Variants in FER observed in about 807,000 individuals in gnomAD.
The protein encoded by FER is FER tyrosine kinase.
A neutral mutation model predicts 111.0 loss-of-function variants in FER; 63 were observed. The observed-to-expected ratio is 0.57, with a 90% CI of 0.46 to 0.70. The LOEUF is 0.70. FER is among the 30% of genes least tolerant of loss of function. FER has a pLI of 0.00. For missense variants in FER, 914 were observed against 954.0 expected (o/e 0.96, Z 0.55); for synonymous variants, 327 against 313.9 (o/e 1.04, Z -0.44).
chr5:108,927,450 CG>C (rs1362617829), intron 10 of FER, among the ~76,000 whole-genome samples: 1 of 151,590 alleles, frequency 6.6e-6, no homozygotes, highest in Non-Finnish European at 1.5e-5. Flanking sequence ...TTAGTAGAGA[CG>C]GGGTTCACCT....
chr5:109,028,144 A>G (rs988701550), intron 13 of FER, among the ~76,000 whole-genome samples: 4 of 152,214 alleles, frequency 2.6e-5, no homozygotes, highest in Non-Finnish European at 5.9e-5. Flanking sequence ...TAAAGATTAT[A>G]CAAAATTGAC....
At chr5:108,967,124 G>A (rs1485927975) in intron 13 of FER, among the ~76,000 whole-genome samples, 2 of 152,126 alleles carry the variant, frequency 1.3e-5, no homozygotes, top group African/African-American at 2.4e-5. Flanking sequence ...GCCTGCCCGG[G>A]CCAACCCTGG....
chr5:109,087,838 T>A (rs542200863), intron 16 of FER, among the ~76,000 whole-genome samples: 1 of 152,066 alleles, frequency 6.6e-6, no homozygotes, highest in Admixed American at 6.6e-5. Context: ...TATCACATTC[T>A]TAAAGATGTT....
intron 17 of FER, among the ~76,000 whole-genome samples, chr5:109,150,014 G>A (rs907397509): frequency 2.9e-4 from 44 of 152,120 alleles, no homozygotes; most frequent in African/African-American, 8.9e-4. Flanking sequence ...TCTAGGTTGC[G>A]CACTCCTTAC....
chr5:108,846,156 G>A (rs1474716155), intron 5 of FER, among the ~76,000 whole-genome samples: 1 of 152,152 alleles, frequency 6.6e-6, no homozygotes, highest in Non-Finnish European at 1.5e-5. Context: ...TTTGTGTTGA[G>A]TTAGTATTAT....
intron 17 of FER, among the ~76,000 whole-genome samples, chr5:109,143,718 G>T (rs1000800926): frequency 4.7e-5 from 7 of 149,822 alleles, no homozygotes; most frequent in African/African-American, 7.3e-5. Flanking sequence ...GTTTTGTTTT[G>T]TTTTTTTTTG....
intron 5 of FER, among the ~76,000 whole-genome samples, chr5:108,845,045 T>TAC (rs1561503336): frequency 2.6e-4 from 10 of 39,132 alleles, no homozygotes; most frequent in South Asian, 2.0e-3. Context: ...TATATACATA[T>TAC]ATATATATAT....
In FER at chr5:108,921,842, C is replaced by T. The variant is rs80176387; in HGVS notation, c.1236+23994C>T. On this transcript the variant is annotated intron_variant, in intron 10 of 19. Coordinates refer to ENST00000281092, the MANE Select transcript of FER (RefSeq NM_005246.4). ...GACTAGAAAAGTATAAAGAGAGTGC[C>T]CCAGCAATTGATGATCACATCTGTT... 7.9e-3 allele frequency among the ~76,000 whole-genome samples: 1,206 copies of T among 152,122 alleles called. 16 individuals are homozygous for T. The highest frequency in any genetic ancestry group is 0.027 in the African/African-American group (1,134 of 41,490).
intron 14 of FER, among the ~76,000 whole-genome samples, chr5:109,042,789 G>C (rs887248102): frequency 1.6e-4 from 24 of 152,112 alleles, no homozygotes; most frequent in African/African-American, 5.1e-4. Context: ...TTTCCACAGA[G>C]GGAAAAATGT....
chr5:109,069,149 G>A (rs1271405544), intron 16 of FER, among the ~76,000 whole-genome samples: 2 of 151,862 alleles, frequency 1.3e-5, no homozygotes, highest in Non-Finnish European at 1.5e-5. Context: ...TTAGATTCTA[G>A]GGAAAAATCA....
intron 3 of FER, among the ~76,000 whole-genome samples, chr5:108,804,061 G>A (rs1289096417): frequency 2.0e-4 from 31 of 152,124 alleles, no homozygotes; most frequent in Admixed American, 2.0e-3. Context: ...TTGGTTAAAT[G>A]TATCCCTAGG....
chr5:109,153,856 A>G (rs1755101769), intron 17 of FER, among the ~76,000 whole-genome samples: 1 of 151,810 alleles, frequency 6.6e-6, no homozygotes, highest in Non-Finnish European at 1.5e-5. Context: ...AAGTCACTTC[A>G]GTTATCAGAG....
In FER at chr5:108,867,893, C is replaced by T. The variant is rs755800376; in HGVS notation, c.608C>T (p.Thr203Ile). The change falls in exon 6 of 20, where the codon ACA becomes ATA. Residue 203 changes from threonine (T) to isoleucine (I), a missense_variant. Physicochemically the swap from Thr to Ile is moderately conservative, Grantham distance 89 (BLOSUM62 -1). Transcript: ENST00000281092. ...QLHQNQYYDI[T>I]LPLLLDSLQK... ...CATCAGAATCAGTATTATGATATCA[C>T]ACTTCCCCTGCTTCTGGACTCCTTA... The T allele has an allele frequency of 5.6e-6, 9 of 1,613,230 alleles. No homozygotes were observed. The East Asian group carries it at 1.8e-4, about 32-fold the overall frequency.
intron 13 of FER, among the ~76,000 whole-genome samples, chr5:109,012,102 C>T (rs190178763): frequency 1.3e-5 from 2 of 152,286 alleles, no homozygotes; most frequent in East Asian, 1.9e-4. Flanking sequence ...TTTGGTGCTC[C>T]GCACTTAGTT....
intron 16 of FER, among the ~76,000 whole-genome samples, chr5:109,099,917 G>A (rs910032797): frequency 6.6e-6 from 1 of 151,610 alleles, no homozygotes; most frequent in African/African-American, 2.4e-5. Context: ...TTATGTTGGT[G>A]TGAATAGTCT....
At chr5:109,041,681 T>G (rs534403397) in intron 14 of FER, among the ~76,000 whole-genome samples, 3 of 152,236 alleles carry the variant, frequency 2.0e-5, no homozygotes, top group African/African-American at 7.2e-5. Flanking sequence ...TACAAAGAAT[T>G]AGGACACTGG....
chr5:108,937,736 A>G (rs945805111), intron 10 of FER, among the ~76,000 whole-genome samples: 3 of 151,836 alleles, frequency 2.0e-5, no homozygotes, highest in Admixed American at 6.6e-5. Flanking sequence ...GAGAAGTGGA[A>G]AATGTGTCTG....
At chr5:109,090,399 G>C (rs956676662) in intron 16 of FER, among the ~76,000 whole-genome samples, 12 of 152,274 alleles carry the variant, frequency 7.9e-5, no homozygotes, top group African/African-American at 2.9e-4. Flanking sequence ...AGTGGTGGCT[G>C]TTTTTGTAAA....
chr5:108,932,102 A>G (rs1050893760), intron 10 of FER, among the ~76,000 whole-genome samples: 1 of 151,996 alleles, frequency 6.6e-6, no homozygotes, highest in African/African-American at 2.4e-5. Context: ...TACACATGCC[A>G]TGGTGGTTTG....
Sources: gnomAD v4.1 joint callset for allele counts (sites outside exome capture counted in the v4.1 genomes callset) on GRCh38, gnomAD v4.1.1 for gene constraint, MANE v1.5 for transcripts, NCBI Gene and HGNC (gene_info 2026-07-23, HGNC 2026-07-21) for gene names.